CEP15: variants seen among roughly 807,000 people sequenced by gnomAD.
The protein encoded by CEP15 is centrosomal protein 15 kDa.
At chr3:62,320,590 A>T in the CEP15 span, 15 of 1,240,654 alleles carry the variant, frequency 1.2e-5, no homozygotes, top group Middle Eastern at 9.6e-4. Flanking sequence ...GAAATATTGT[A>T]TACACAGGAT....
chr3:62,325,653 T>G, the CEP15 span, among the ~76,000 whole-genome samples: 47 of 152,150 alleles, frequency 3.1e-4, no homozygotes, highest in African/African-American at 1.1e-3. Flanking sequence ...AAGAGAAAAT[T>G]GTGTTTTTTA....
At chr3:62,328,540 A>G in the CEP15 span, among the ~76,000 whole-genome samples, 1 of 152,178 alleles carries the variant, frequency 6.6e-6, no homozygotes, top group Non-Finnish European at 1.5e-5. Flanking sequence ...TATTTGTCCT[A>G]TAACTATATA....
chr3:62,323,379 C>T, the CEP15 span, among the ~76,000 whole-genome samples: 1 of 152,088 alleles, frequency 6.6e-6, no homozygotes, highest in South Asian at 2.1e-4. Context: ...AGGCAGAAGG[C>T]AAGGCATACT....
chr3:62,333,266 G>T, the CEP15 span: 2 of 1,608,920 alleles, frequency 1.2e-6, no homozygotes, highest in Non-Finnish European at 1.7e-6. The surrounding 1 kb of genome is among the most constrained non-coding windows in gnomAD (Gnocchi z 4.0). Flanking sequence ...CTCGTTACTG[G>T]GCATCAGTAG....
chr3:62,325,613 A>G, the CEP15 span, among the ~76,000 whole-genome samples: 1 of 152,234 alleles, frequency 6.6e-6, no homozygotes, highest in African/African-American at 2.4e-5. Flanking sequence ...TTTTAAGAAC[A>G]TAACAGAATT....
chr3:62,321,380 C>T, the CEP15 span, among the ~76,000 whole-genome samples: 1 of 152,108 alleles, frequency 6.6e-6, no homozygotes, highest in African/African-American at 2.4e-5. This position sits in a 1 kb window ranked among gnomAD's most constrained non-coding sequence, Gnocchi z 4.1. Flanking sequence ...CACAGCCTCT[C>T]ACTCATATAT....
At chr3:62,331,257 T>C in the CEP15 span, 5 of 1,343,498 alleles carry the variant, frequency 3.7e-6, no homozygotes, top group Non-Finnish European at 5.3e-6. Flanking sequence ...GATACAGATA[T>C]TGCTAGTACA....
the CEP15 span, among the ~76,000 whole-genome samples, chr3:62,325,896 C>T: frequency 2.6e-5 from 4 of 151,952 alleles, no homozygotes; most frequent in East Asian, 1.9e-4. Flanking sequence ...TGGTGGTGCG[C>T]GCCTGTAGTC....
chr3:62,320,640 CACTT>C, the CEP15 span: 22 of 691,188 alleles, frequency 3.2e-5, no homozygotes, highest in African/African-American at 2.7e-4. Flanking sequence ...AATTTTCTGA[CACTT>C]AAGAGGTTTT....
the CEP15 span, chr3:62,321,949 T>C: frequency 6.2e-7 from 1 of 1,602,682 alleles, no homozygotes. The surrounding 1 kb of genome is among the most constrained non-coding windows in gnomAD (Gnocchi z 4.1). Context: ...AAGATTAATG[T>C]TACTTCAACA....
chr3:62,323,305 C>A, the CEP15 span, among the ~76,000 whole-genome samples: 2 of 152,132 alleles, frequency 1.3e-5, no homozygotes, highest in Admixed American at 6.5e-5. Context: ...GTTAAAACAT[C>A]TTTGAGAGCT....
chr3:62,323,607 A>G, the CEP15 span, among the ~76,000 whole-genome samples: 1 of 152,224 alleles, frequency 6.6e-6, no homozygotes, highest in East Asian at 1.9e-4. Context: ...GTGGGTATTT[A>G]AGAAAGATTC....
chr3:62,325,524 C>T, the CEP15 span, among the ~76,000 whole-genome samples: 1 of 152,090 alleles, frequency 6.6e-6, no homozygotes, highest in Non-Finnish European at 1.5e-5. Context: ...CAGTAACTAT[C>T]ATAAAAGATA....
At chr3:62,326,915 T>C in the CEP15 span, among the ~76,000 whole-genome samples, 1 of 152,220 alleles carries the variant, frequency 6.6e-6, no homozygotes, top group Admixed American at 6.5e-5. Flanking sequence ...ATCACAATAC[T>C]ATTATCAATA....
chr3:62,333,130 A>ATGTGTGTG, the CEP15 span: 1 of 751,584 alleles, frequency 1.3e-6, no homozygotes, highest in Admixed American at 3.2e-5. This position sits in a 1 kb window ranked among gnomAD's most constrained non-coding sequence, Gnocchi z 4.0. Flanking sequence ...TTCTACATAT[A>ATGTGTGTG]TGTGTGTGTG....
chr3:62,333,238 T>A, the CEP15 span: 1 of 1,605,688 alleles, frequency 6.2e-7, no homozygotes, highest in Non-Finnish European at 8.5e-7. This position sits in a 1 kb window ranked among gnomAD's most constrained non-coding sequence, Gnocchi z 4.0. Flanking sequence ...TTTTTACTTT[T>A]GGATTTTTTT....
the CEP15 span, chr3:62,319,799 CTCTG>C: frequency 6.6e-6 from 1 of 152,296 alleles, no homozygotes; most frequent in Admixed American, 6.5e-5. Context: ...TTCACTAGAC[CTCTG>C]TCTGTGTCGG....
the CEP15 span, among the ~76,000 whole-genome samples, chr3:62,330,012 A>G: frequency 6.6e-6 from 1 of 152,186 alleles, no homozygotes; most frequent in Admixed American, 6.5e-5. Flanking sequence ...AACTTCCGGT[A>G]TGGGATAGAC....
the CEP15 span, among the ~76,000 whole-genome samples, chr3:62,325,231 TCAGCTGTTA>T: frequency 6.6e-6 from 1 of 152,122 alleles, no homozygotes; most frequent in African/African-American, 2.4e-5. Context: ...TTTTTTAAAG[TCAGCTGTTA>T]CACATACCCT....
Sources: allele counts gnomAD v4.1 joint callset (sites outside exome capture counted in the v4.1 genomes callset), GRCh38; gene constraint gnomAD v4.1.1; non-coding constraint Gnocchi (gnomAD v3.1); transcripts MANE v1.5; gene names NCBI Gene and HGNC (gene_info 2026-07-23, HGNC 2026-07-21).